The following CLCN4 variants were observed in gnomAD, a reference collection of about 807,000 sequenced individuals.
CLCN4 encodes the protein Cl-/H+ antiporter 4, also known as H(+)/Cl(-) exchange transporter 4.
In CLCN4, 1 loss-of-function variant was observed where a neutral mutation model predicts 41.7. The observed-to-expected ratio is 0.02, with a 90% confidence interval of 0.01 to 0.11. The LOEUF (loss-of-function observed/expected upper bound fraction) is 0.11, where lower values mean the gene tolerates loss of function less well. Among genes scored for constraint, CLCN4 ranks in the 10% least tolerant of loss-of-function variants. CLCN4 has a pLI of 1.00. For missense variants in CLCN4, 287 were observed against 661.0 expected (o/e 0.43, Z 6.20); for synonymous variants, 277 against 285.8 (o/e 0.97, Z 0.31).
In CLCN4 at chrX:10,212,582, A is replaced by G; in HGVS notation, c.1505A>G (p.Asn502Ser). The G allele has an allele frequency of 8.3e-7, 1 of 1,211,511 alleles. No individual in the cohort carries two copies. Among genetic ancestry groups the G allele is most frequent in the Non-Finnish European group, 1.1e-6 (1 of 895,325 alleles). Reference sequence around the variant, plus strand: ...CACCATGACTGGATCATCTTCAGGAACTGGTGCAGACCCGGTGCAGACTGT... The same window carrying G: ...CACCATGACTGGATCATCTTCAGGAGCTGGTGCAGACCCGGTGCAGACTGT... ...YHHHDWIIFR[N>S]WCRPGADCVT... The change falls in exon 10 of 13, where the codon AAC becomes AGC. Residue 502 changes from asparagine (N) to serine (S), a missense_variant. Around this residue, in one of 6 missense-constraint regions of CLCN4, gnomAD observed 94 missense variants for 177.9 expected, o/e 0.53. Transcript: ENST00000380833.
rs764315753 is a variant in CLCN4 at position 10,171,275 on chromosome X, T to C, written c.-12+12724T>C. Among the ~76,000 whole-genome samples the C allele has an allele frequency of 4.4e-5, 5 of 112,549 alleles. No individual in the cohort carries two copies. The South Asian group carries it at 1.8e-3, about 41-fold the overall frequency. On this transcript the variant is annotated intron_variant, in intron 2 of 12. Transcript: ENST00000380833. ...TCTTTTATGGATTGTGTTTTTGATG[T>C]CATTTCTAATAACTGTTTGCCTAGC...
At position 10,235,746 on chromosome X, in the gene CLCN4, A is replaced by T. The variant is rs1159314193; in HGVS notation, c.*2162A>T. 8.9e-6 allele frequency: 1 copy of T among 112,523 alleles called. No homozygotes were observed. The highest frequency in any genetic ancestry group is 1.9e-5 in the Non-Finnish European group (1 of 53,339). The allele number at this position is 112,523 out of a possible 1,213,427, so 9.3% of individuals were successfully genotyped here. Reference sequence around the variant, plus strand: ...TCAGATCATGCTGACACAATAAGAAAATTTGTTTGTGTAATTCATTGACCT... The same window carrying T: ...TCAGATCATGCTGACACAATAAGAATATTTGTTTGTGTAATTCATTGACCT... On this transcript the variant is annotated 3_prime_UTR_variant, in exon 13 of 13. Coordinates refer to ENST00000380833, the MANE Select transcript of CLCN4 (RefSeq NM_001830.4).
chrX:10,167,480 G>T (rs921572765), intron 2 of CLCN4, among the ~76,000 whole-genome samples: 5 of 112,335 alleles, frequency 4.5e-5, no homozygotes, highest in African/African-American at 1.6e-4. Flanking sequence ...TCATGCTCAT[G>T]TGTGGTCCCC....
chrX:10,205,269 G>C (rs5979275), intron 6 of CLCN4, among the ~76,000 whole-genome samples: 7,184 of 110,247 alleles, frequency 0.065, 544 homozygotes, highest in African/African-American at 0.21. Flanking sequence ...ATCAGGAGAT[G>C]GAGTCCATCC....
chrX:10,178,225 G>A (rs77758391), intron 2 of CLCN4, among the ~76,000 whole-genome samples: 1 of 111,899 alleles, frequency 8.9e-6, no homozygotes, highest in Non-Finnish European at 1.9e-5. Context: ...TGATTGGACA[G>A]CCTTGTGAAT....
At chrX:10,225,554 C>G (rs191159334) in intron 12 of CLCN4, among the ~76,000 whole-genome samples, 1 of 112,174 alleles carries the variant, frequency 8.9e-6, no homozygotes, top group Admixed American at 9.4e-5. Flanking sequence ...TCCGTTCACT[C>G]TGATGATAGT....
intron 2 of CLCN4, among the ~76,000 whole-genome samples, chrX:10,163,418 T>TC (rs1216977793): frequency 9.1e-6 from 1 of 110,053 alleles, no homozygotes; most frequent in African/African-American, 3.3e-5. Context: ...TCTTTTCTTT[T>TC]TTTTTTTGAG....
intron 2 of CLCN4, among the ~76,000 whole-genome samples, chrX:10,176,629 A>G (rs1448537694): frequency 9.0e-6 from 1 of 111,622 alleles, no homozygotes; most frequent in Non-Finnish European, 1.9e-5. Context: ...CTGGCAGGGG[A>G]CCCTGCCGGG....
At chrX:10,202,638 CAAAAAAAAAAAAAAAAAA>C (rs759089094) in intron 6 of CLCN4, among the ~76,000 whole-genome samples, 5 of 19,639 alleles carry the variant, frequency 2.5e-4, no homozygotes, top group Non-Finnish European at 3.7e-4. Flanking sequence ...GACCCTGCCT[CAAAAAAAAAAAAAAAAAA>C]AAAAAAAAAA....
At chrX:10,189,837 G>A (rs186691631) in intron 4 of CLCN4, among the ~76,000 whole-genome samples, 115 of 112,405 alleles carry the variant, frequency 1.0e-3, no homozygotes, top group African/African-American at 3.6e-3. Flanking sequence ...GCCTGCTGAA[G>A]CGCAGTCAGA....
At position 10,198,037 on chromosome X, in the gene CLCN4, T is replaced by C. The variant is rs1422922495; in HGVS notation, c.531T>C (p.Tyr177=). ...AVSLVRVFAP[Y]ACGSGIPEIK... ...CCCTGGTGCGTGTATTTGCACCATA[T>C]GCCTGTGGCTCTGGCATACCAGAGG... Residue 177 remains tyrosine (Y), a synonymous_variant, in exon 6 of 13, where the codon TAT becomes TAC. Transcript: ENST00000380833. 2 of 1,208,814 alleles carry C rather than the reference T, an allele frequency of 1.7e-6. No individual in the cohort carries two copies. The highest frequency in any genetic ancestry group is 1.8e-5 in the African/African-American group (1 of 57,005).
chrX:10,216,895 G>GTATATATATATATATA (rs1277215208), intron 11 of CLCN4, among the ~76,000 whole-genome samples: 120 of 2,019 alleles, frequency 0.059, 3 homozygotes, highest in Admixed American at 0.12. Context: ...GTGTGTGTGT[G>GTATATATATATATATA]TGTATATATA....
At chrX:10,216,918 T>TATATATACACACACAC (rs773265490) in intron 11 of CLCN4, among the ~76,000 whole-genome samples, 3,539 of 38,771 alleles carry the variant, frequency 0.091, 229 homozygotes, top group Admixed American at 0.12. Context: ...TATATATATA[T>TATATATACACACACAC]ACACACACAC....
chrX:10,224,485 A>T (rs1924941071), intron 12 of CLCN4, among the ~76,000 whole-genome samples: 1 of 110,636 alleles, frequency 9.0e-6, no homozygotes, highest in South Asian at 3.9e-4. Context: ...AAAAAAAAAA[A>T]AGCCAAGGAG....
At chrX:10,227,176 C>T (rs1925010600) in intron 12 of CLCN4, among the ~76,000 whole-genome samples, 1 of 110,875 alleles carries the variant, frequency 9.0e-6, no homozygotes, top group Non-Finnish European at 1.9e-5. Context: ...AAACTGAACC[C>T]GGCAGCATAT....
chrX:10,231,732 C>A (rs1300241668), intron 12 of CLCN4, among the ~76,000 whole-genome samples: 2 of 111,677 alleles, frequency 1.8e-5, no homozygotes, highest in Non-Finnish European at 1.9e-5. Context: ...TGATGATAAG[C>A]TCCATTGCTC....
intron 2 of CLCN4, among the ~76,000 whole-genome samples, chrX:10,172,965 T>A (rs1923421741): frequency 9.0e-6 from 1 of 111,629 alleles, no homozygotes; most frequent in African/African-American, 3.3e-5. Context: ...CAGGAGACCC[T>A]GGAGGAGGCG....
chrX:10,232,662 G>A (rs1250977335), intron 12 of CLCN4, among the ~76,000 whole-genome samples: 1 of 111,687 alleles, frequency 9.0e-6, no homozygotes, highest in African/African-American at 3.3e-5. Context: ...TGGTCATTTA[G>A]TAAAATAATG....
At chrX:10,207,000 A>G (rs527758295) in intron 8 of CLCN4, among the ~76,000 whole-genome samples, 1 of 109,616 alleles carries the variant, frequency 9.1e-6, no homozygotes, top group African/African-American at 3.3e-5. Context: ...GCTCACTACA[A>G]CCTCCGCTTC....
Sources: allele counts gnomAD v4.1 joint callset (sites outside exome capture counted in the v4.1 genomes callset), GRCh38; gene constraint gnomAD v4.1.1; regional missense constraint gnomAD v4.1.1; transcripts MANE v1.5; gene names NCBI Gene and HGNC (gene_info 2026-07-23, HGNC 2026-07-21).